PARD3: variants seen among roughly 807,000 people sequenced by gnomAD.
PARD3 encodes the protein par-3 family cell polarity regulator, also known as partitioning defective 3 homolog.
In PARD3, 75 loss-of-function variants were observed where a neutral mutation model predicts 155.4. That is an observed-to-expected ratio of 0.48 (90% confidence interval 0.40 to 0.58). The LOEUF (loss-of-function observed/expected upper bound fraction) is 0.58. Among genes scored for constraint, PARD3 ranks in the 20% least tolerant of loss-of-function variants. The probability of loss-of-function intolerance (pLI) is 0.00; values close to 1 mark genes in which losing one functional copy is unlikely to be tolerated. For synonymous variants in PARD3, 576 were observed against 610.5 expected, an observed-to-expected ratio of 0.94 and a Z score of 0.83; for missense variants, 1,642 against 1,721.7, an observed-to-expected ratio of 0.95 and a Z score of 0.82.
chr10:34,511,472 T>A lies in PARD3; in HGVS notation c.403+5507A>T, dbSNP rs549795390. On this transcript the variant is annotated intron_variant, in intron 3 of 24. Coordinates refer to ENST00000374788, the MANE Select transcript of PARD3 (RefSeq NM_001184785.2). Reference sequence around the variant, plus strand: ...GAGGTCCAAGATCAAGGGGCTGGCATCTGGAGAGGACCTTCTTACTGCATC... The same window carrying A: ...GAGGTCCAAGATCAAGGGGCTGGCAACTGGAGAGGACCTTCTTACTGCATC... 4.6e-5 allele frequency among the ~76,000 whole-genome samples: 7 copies of A among 152,278 alleles called. No individual in the cohort carries two copies. In the South Asian group the frequency reaches 1.2e-3, roughly 27 times the overall value.
At chr10:34,187,348 G>T (rs1313760620) in intron 22 of PARD3, among the ~76,000 whole-genome samples, 1 of 151,678 alleles carries the variant, frequency 6.6e-6, no homozygotes, top group African/African-American at 2.4e-5. Flanking sequence ...TTATAAACAT[G>T]TCCAAAAGTC....
At chr10:34,483,131 G>A (rs1161087191) in intron 3 of PARD3, among the ~76,000 whole-genome samples, 1 of 152,070 alleles carries the variant, frequency 6.6e-6, no homozygotes, top group African/African-American at 2.4e-5. Flanking sequence ...ACCCCAGCCT[G>A]GGCAAGAAGA....
chr10:34,726,219 G>C (rs375812979), intron 1 of PARD3, among the ~76,000 whole-genome samples: 3 of 152,216 alleles, frequency 2.0e-5, no homozygotes, highest in South Asian at 2.1e-4. Context: ...ACTTTGGGAG[G>C]TGGGTGAATC....
intron 22 of PARD3, among the ~76,000 whole-genome samples, chr10:34,155,827 G>A (rs1948980791): frequency 2.0e-5 from 3 of 152,120 alleles, no homozygotes; most frequent in South Asian, 4.2e-4. Flanking sequence ...TGAGAATTGA[G>A]CATCTATTGC....
At chr10:34,228,966 C>A (rs984913185) in intron 22 of PARD3, among the ~76,000 whole-genome samples, 1 of 152,008 alleles carries the variant, frequency 6.6e-6, no homozygotes, top group Non-Finnish European at 1.5e-5. Context: ...CTCTTTATAT[C>A]CAAGTTACTC....
chr10:34,440,534 G>T (rs2076409721), intron 5 of PARD3, among the ~76,000 whole-genome samples: 1 of 152,120 alleles, frequency 6.6e-6, no homozygotes, highest in Admixed American at 6.6e-5. Flanking sequence ...AGCTCTAAAT[G>T]TCTAGTTCTA....
At chr10:34,746,285 T>TA (rs900142566) in intron 1 of PARD3, among the ~76,000 whole-genome samples, 88 of 134,946 alleles carry the variant, frequency 6.5e-4, no homozygotes, top group Middle Eastern at 3.9e-3. Context: ...TCTACAAAAT[T>TA]AAAAAAAAAA....
chr10:34,779,981 G>A (rs893025921), intron 1 of PARD3, among the ~76,000 whole-genome samples: 6 of 152,120 alleles, frequency 3.9e-5, no homozygotes, highest in African/African-American at 7.2e-5. Context: ...TAATGCCACC[G>A]AGTGGCACCT....
At chr10:34,464,782 T>A (rs958449040) in intron 4 of PARD3, among the ~76,000 whole-genome samples, 10 of 152,212 alleles carry the variant, frequency 6.6e-5, no homozygotes, top group African/African-American at 1.7e-4. Context: ...TAAACTATAC[T>A]TGGATGGTTC....
At chr10:34,481,799 A>G (rs2079096787) in intron 3 of PARD3, among the ~76,000 whole-genome samples, 1 of 152,078 alleles carries the variant, frequency 6.6e-6, no homozygotes, top group African/African-American at 2.4e-5. Flanking sequence ...AAAAGTAGAA[A>G]AAAAAAATCA....
At chr10:34,119,127 G>A (rs1307420203) in intron 24 of PARD3, among the ~76,000 whole-genome samples, 4 of 152,188 alleles carry the variant, frequency 2.6e-5, no homozygotes, top group Non-Finnish European at 5.9e-5. Flanking sequence ...GGTGAGAGCA[G>A]TGATGATGGG....
intron 3 of PARD3, among the ~76,000 whole-genome samples, chr10:34,485,219 C>A (rs7076168): frequency 6.6e-6 from 1 of 151,918 alleles, no homozygotes; most frequent in African/African-American, 2.4e-5. Context: ...CCACCTGTAA[C>A]GCCAGCTACT....
chr10:34,456,578 G>A (rs988865044), intron 4 of PARD3, among the ~76,000 whole-genome samples: 10 of 152,154 alleles, frequency 6.6e-5, no homozygotes, highest in Non-Finnish European at 1.2e-4. Flanking sequence ...GATTACAGGC[G>A]TGAGCCACCG....
chr10:34,364,543 C>T (rs971415536), intron 12 of PARD3, among the ~76,000 whole-genome samples: 4 of 151,994 alleles, frequency 2.6e-5, no homozygotes, highest in Non-Finnish European at 5.9e-5. Context: ...GATTATCCCG[C>T]CCTCAGCCTC....
In PARD3 at chr10:34,763,932, A is replaced by G. The variant is rs965415355; in HGVS notation, c.120+50944T>C. ...AATCTCCTCCCAGCCATATACTAAT[A>G]AGATCCAAATATGTCAGTGAAGTCA... On this transcript the variant is annotated intron_variant, in intron 1 of 24. Transcript: ENST00000374788. Among the ~76,000 whole-genome samples, 5 of 152,352 alleles carry G rather than the reference A, an allele frequency of 3.3e-5. No homozygotes were observed. In the East Asian group the frequency reaches 9.6e-4, roughly 29 times the overall value.
In PARD3 at chr10:34,406,602, G is replaced by C. The variant is rs1034372912; in HGVS notation, c.715-4685C>G. ...ACACGGGGTCTTGCTATGTTGCCCA[G>C]TTCTGACCTCAGACTCCTAGGCTCA... On this transcript the variant is annotated intron_variant, in intron 5 of 24. Coordinates refer to ENST00000374788, the MANE Select transcript of PARD3 (RefSeq NM_001184785.2). 3.3e-5 allele frequency among the ~76,000 whole-genome samples: 5 copies of C among 152,178 alleles called. No individual in the cohort carries two copies. In the South Asian group the frequency reaches 1.0e-3, roughly 32 times the overall value.
At chr10:34,345,356 A>C in intron 15 of PARD3, 1 of 985,174 alleles carries the variant, frequency 1.0e-6, no homozygotes, top group Non-Finnish European at 1.2e-6. Context: ...CTAGAGTCCT[A>C]CATAGGGGAT....
intron 1 of PARD3, among the ~76,000 whole-genome samples, chr10:34,712,030 GA>G (rs2094456136): frequency 6.6e-6 from 1 of 152,176 alleles, no homozygotes; most frequent in South Asian, 2.1e-4. Flanking sequence ...TCCCCAGTGT[GA>G]CTGGCCAGGA....
intron 21 of PARD3, among the ~76,000 whole-genome samples, chr10:34,279,163 T>TA (rs1564543127): frequency 3.4e-5 from 5 of 148,236 alleles, no homozygotes; most frequent in Non-Finnish European, 6.0e-5. Flanking sequence ...TTTTTTTTTT[T>TA]AGAGACAAGC....
Sources: allele counts gnomAD v4.1 joint callset (sites outside exome capture counted in the v4.1 genomes callset), GRCh38; gene constraint gnomAD v4.1.1; transcripts MANE v1.5; gene names NCBI Gene and HGNC (gene_info 2026-07-23, HGNC 2026-07-21).